The following DOCK2 variants were observed in gnomAD, a reference collection of about 807,000 sequenced individuals.
DOCK2 encodes the protein dedicator of cytokinesis protein 2.
In DOCK2, 87 loss-of-function variants were observed where a neutral mutation model predicts 248.9. That is an observed-to-expected ratio of 0.35 (90% CI 0.29 to 0.42). DOCK2 has a LOEUF of 0.42. Ranked by LOEUF, DOCK2 falls within the 10% of genes least tolerant of loss-of-function variation. The pLI is 1.00. For synonymous variants in DOCK2, 805 were observed against 821.6 expected (o/e 0.98, Z 0.35); for missense variants, 1,747 against 2,300.2 (o/e 0.76, Z 4.92).
At chr5:169,951,448 A>G (rs1776660412) in intron 27 of DOCK2, among the ~76,000 whole-genome samples, 1 of 152,338 alleles carries the variant, frequency 6.6e-6, no homozygotes, top group South Asian at 2.1e-4. Context: ...CCTTCCCCAC[A>G]TAGTCTTCTG....
At chr5:169,906,443 A>G (rs543622582) in intron 27 of DOCK2, among the ~76,000 whole-genome samples, 1 of 152,320 alleles carries the variant, frequency 6.6e-6, no homozygotes, top group African/African-American at 2.4e-5. Flanking sequence ...CATAGGAGCA[A>G]ACTGAGATTT....
In DOCK2 at chr5:170,008,739, C is replaced by G. The variant is rs1167414180; in HGVS notation, c.3225C>G (p.Tyr1075Ter). 1.2e-6 allele frequency: 2 copies of G among 1,613,898 alleles called. No individual in the cohort carries two copies. The highest frequency in any genetic ancestry group is 1.3e-5 in the African/African-American group (1 of 74,900). ...GCTTCTCCATCCGTGATATGTGGTA[C>G]AAGCTTGGTGAGTAGGCACACACAT... ...LIGFSIRDMW[Y>*]KLGQNKICFI... Residue 1075 changes from tyrosine to a stop codon, truncating the protein, a stop_gained, in exon 32 of 52, where the codon TAC (tyrosine) becomes TAG (stop). Coordinates refer to ENST00000520908, the MANE Select transcript of DOCK2 (RefSeq NM_004946.3). LOFTEE classifies it high-confidence loss of function.
intron 6 of DOCK2, among the ~76,000 whole-genome samples, chr5:169,676,186 G>A (rs962802203): frequency 7.2e-5 from 11 of 152,294 alleles, no homozygotes; most frequent in Middle Eastern, 3.4e-3. Context: ...GCCTTGGCCC[G>A]GGGTAGGTGC....
At chr5:169,671,692 G>A (rs1283790073) in intron 5 of DOCK2, among the ~76,000 whole-genome samples, 2 of 152,172 alleles carry the variant, frequency 1.3e-5, no homozygotes, top group East Asian at 1.9e-4. Context: ...CTCCTTTGAT[G>A]CTCTAAAGCT....
At chr5:170,076,887 C>G (rs984551847) in intron 47 of DOCK2, among the ~76,000 whole-genome samples, 1 of 152,162 alleles carries the variant, frequency 6.6e-6, no homozygotes, top group Non-Finnish European at 1.5e-5. Context: ...AGTTAGGTCA[C>G]ATTTCACAGG....
At chr5:169,942,723 A>G (rs1007232343) in intron 27 of DOCK2, among the ~76,000 whole-genome samples, 1 of 152,128 alleles carries the variant, frequency 6.6e-6, no homozygotes, top group Non-Finnish European at 1.5e-5. Context: ...TGCCCTCCAC[A>G]TTGGTCGGAG....
At chr5:169,974,228 A>T (rs2113770501) in intron 27 of DOCK2, among the ~76,000 whole-genome samples, 1 of 152,338 alleles carries the variant, frequency 6.6e-6, no homozygotes, top group South Asian at 2.1e-4. Flanking sequence ...ATCTACTGAA[A>T]GTTTGGAGGA....
At chr5:169,731,441 A>G (rs1245301077) in intron 22 of DOCK2, among the ~76,000 whole-genome samples, 4 of 152,100 alleles carry the variant, frequency 2.6e-5, no homozygotes, top group African/African-American at 9.7e-5. Context: ...GTAAAACGTG[A>G]GTTGCTTCTC....
chr5:170,072,420 A>G (rs908935403), intron 46 of DOCK2, among the ~76,000 whole-genome samples: 1 of 152,110 alleles, frequency 6.6e-6, no homozygotes, highest in Non-Finnish European at 1.5e-5. Flanking sequence ...ATAATATATC[A>G]ATTTATTTAT....
intron 27 of DOCK2, among the ~76,000 whole-genome samples, chr5:169,848,955 A>G (rs991415619): frequency 1.3e-5 from 2 of 152,080 alleles, no homozygotes; most frequent in Non-Finnish European, 2.9e-5. Context: ...CAAATTGGAA[A>G]TGACCCATCT....
chr5:169,660,156 A>G (rs539562179), intron 2 of DOCK2, among the ~76,000 whole-genome samples: 5 of 152,274 alleles, frequency 3.3e-5, no homozygotes, highest in Admixed American at 3.3e-4. Context: ...ATGCACTCAT[A>G]CTGTGTTTGG....
rs1027274340 is a variant in DOCK2, at chr5:170,057,779, CT to C, written c.4467+114del. 7.3e-5 allele frequency: 66 copies of C among 905,150 alleles called. No individual in the cohort carries two copies. In the African/African-American group the frequency reaches 1.0e-3, roughly 14 times the overall value. 56.1% of individuals were successfully genotyped at this position (905,150 alleles called of 1,614,324 possible). ...GGAGACATGTTTTTCTTTGAAGCTG[CT>C]GTGTGAGTCCCAGAATTCCCATGCA... On this transcript the variant is annotated intron_variant, in intron 44 of 51. Coordinates refer to ENST00000520908, the MANE Select transcript of DOCK2 (RefSeq NM_004946.3).
intron 27 of DOCK2, among the ~76,000 whole-genome samples, chr5:169,938,782 AT>A (rs1157626526): frequency 6.6e-6 from 1 of 152,070 alleles, no homozygotes; most frequent in Non-Finnish European, 1.5e-5. Context: ...CAAACTTTTC[AT>A]TTTTTAACTT....
Position 169,777,806 on chromosome 5 carries a change from A to G in DOCK2, c.2554+16181A>G, listed in dbSNP as rs550560709. 1.4e-4 allele frequency among the ~76,000 whole-genome samples: 22 copies of G among 152,348 alleles called. No homozygotes were observed. The South Asian group carries it at 3.3e-3, about 23-fold the overall frequency. On this transcript the variant is annotated intron_variant, in intron 25 of 51. Coordinates refer to ENST00000520908, the MANE Select transcript of DOCK2 (RefSeq NM_004946.3). ...AAGGACTCATAAGCCAAGTTTCATC[A>G]TTAATAACTATTACTAGTGCTACTA...
intron 34 of DOCK2, among the ~76,000 whole-genome samples, chr5:170,029,370 T>C (rs548482222): frequency 6.6e-6 from 1 of 152,340 alleles, no homozygotes; most frequent in African/African-American, 2.4e-5. Flanking sequence ...TGTGCATCTT[T>C]CCATGTGCTT....
At chr5:169,802,073 A>G (rs1402601740) in intron 25 of DOCK2, among the ~76,000 whole-genome samples, 1 of 152,044 alleles carries the variant, frequency 6.6e-6, no homozygotes, top group Non-Finnish European at 1.5e-5. Context: ...AAATATGGAG[A>G]CAAAGCTGCG....
At chr5:169,995,848 A>G (rs1424083078) in intron 29 of DOCK2, among the ~76,000 whole-genome samples, 3 of 152,222 alleles carry the variant, frequency 2.0e-5, no homozygotes, top group Non-Finnish European at 4.4e-5. Flanking sequence ...TATCTTAAAC[A>G]TAAGACAATG....
chr5:169,798,343 A>G (rs776721848), intron 25 of DOCK2, among the ~76,000 whole-genome samples: 1 of 152,200 alleles, frequency 6.6e-6, no homozygotes, highest in Non-Finnish European at 1.5e-5. Context: ...TACTACTTGT[A>G]TACTTCTAGG....
intron 39 of DOCK2, 94 bp from the exon 40 acceptor site, chr5:170,047,416 G>C: frequency 2.9e-6 from 3 of 1,039,126 alleles, no homozygotes; most frequent in Non-Finnish European, 4.3e-6. Context: ...CATTGGCTCT[G>C]GTATAATGAA....
Sources: gnomAD v4.1 joint callset for allele counts (sites outside exome capture counted in the v4.1 genomes callset) on GRCh38, gnomAD v4.1.1 for gene constraint, MANE v1.5 for transcripts, NCBI Gene and HGNC (gene_info 2026-07-23, HGNC 2026-07-21) for gene names.